GNAI3: variants seen among roughly 807,000 people sequenced by gnomAD.
The protein encoded by GNAI3 is G protein subunit alpha i3, also known as guanine nucleotide-binding protein G(i) subunit alpha-3.
GNAI3 carries 12 observed loss-of-function variants against 41.8 expected under a neutral mutation model. The observed-to-expected ratio is 0.29, with a 90% confidence interval of 0.18 to 0.47. The LOEUF is 0.47. Among genes scored for constraint, GNAI3 ranks in the 20% least tolerant of loss-of-function variants. The probability of loss-of-function intolerance (pLI) is 1.00; values close to 1 mark genes in which losing one functional copy is unlikely to be tolerated. For missense variants in GNAI3, 360 were observed against 429.6 expected, an observed-to-expected ratio of 0.84 and a Z score of 1.43; for synonymous variants, 132 against 146.5, an observed-to-expected ratio of 0.90 and a Z score of 0.71.
At chr1:109,571,267 G>A (rs1484061559) in intron 1 of GNAI3, among the ~76,000 whole-genome samples, 1 of 152,134 alleles carries the variant, frequency 6.6e-6, no homozygotes, top group Admixed American at 6.6e-5. Flanking sequence ...ATACCTACTA[G>A]AAATCTAATA....
In GNAI3 at chr1:109,594,340, A is replaced by G. The variant is rs1649243836; in HGVS notation, c.*2018A>G. The G allele has an allele frequency of 6.6e-6, 1 of 152,238 alleles. No homozygotes were observed. The highest frequency in any genetic ancestry group is 1.5e-5 in the Non-Finnish European group (1 of 68,040). The allele number at this position is 152,238 out of a possible 1,614,324, so 9.4% of individuals were successfully genotyped here. A position where few individuals can be genotyped will look rare whatever the true frequency, so the allele number is the denominator to read the frequency against. On this transcript the variant is annotated 3_prime_UTR_variant, in exon 9 of 9. Coordinates refer to ENST00000369851, the MANE Select transcript of GNAI3 (RefSeq NM_006496.4). ...ATAATCTAAAATAACCAATAATCCAAAAAAGTTCATTTTACTTTGAATTTG... is the reference window on the plus strand; with the variant it reads ...ATAATCTAAAATAACCAATAATCCAGAAAAGTTCATTTTACTTTGAATTTG...
chr1:109,555,775 G>A (rs571208002), intron 1 of GNAI3, among the ~76,000 whole-genome samples: 1 of 152,280 alleles, frequency 6.6e-6, no homozygotes, highest in East Asian at 1.9e-4. Flanking sequence ...TTTTAGAGAT[G>A]GTTAGTAAAA....
chr1:109,565,946 A>C (rs966862165), intron 1 of GNAI3, among the ~76,000 whole-genome samples: 2 of 152,260 alleles, frequency 1.3e-5, no homozygotes, highest in Non-Finnish European at 2.9e-5. Context: ...CAAGAAAACC[A>C]GTTAGCAGCT....
At chr1:109,569,515 T>C (rs932978456) in intron 1 of GNAI3, among the ~76,000 whole-genome samples, 1 of 152,136 alleles carries the variant, frequency 6.6e-6, no homozygotes, top group South Asian at 2.1e-4. Flanking sequence ...AGGAAGCAGC[T>C]TGGGGAAAAC....
intron 5 of GNAI3, among the ~76,000 whole-genome samples, chr1:109,583,200 G>C (rs534374433): frequency 7.0e-4 from 106 of 152,040 alleles, no homozygotes; most frequent in Non-Finnish European, 1.4e-3. Context: ...TGATTTTTTT[G>C]GTTTGTTTTT....
rs576163890 is a variant in GNAI3, at chr1:109,598,211, C to T, written c.*5889C>T. ...GCTTATTTATATGTAAGAGAGATTT[C>T]CAGTAGATACAACAAAACACAAGAA... On this transcript the variant is annotated 3_prime_UTR_variant, in exon 9 of 9. Transcript: ENST00000369851. The T allele has an allele frequency of 7.9e-5, 12 of 152,258 alleles. No individual in the cohort carries two copies. The highest frequency in any genetic ancestry group is 2.9e-4 in the African/African-American group (12 of 41,550). 9.4% of individuals were successfully genotyped at this position (152,258 alleles called of 1,614,324 possible).
intron 5 of GNAI3, among the ~76,000 whole-genome samples, chr1:109,583,572 C>T (rs1238740159): frequency 6.6e-6 from 1 of 151,738 alleles, no homozygotes; most frequent in Non-Finnish European, 1.5e-5. Flanking sequence ...ATAACTTTCT[C>T]ATTAGCATTA....
intron 1 of GNAI3, among the ~76,000 whole-genome samples, chr1:109,567,947 A>G (rs1408783371): frequency 6.6e-6 from 1 of 151,702 alleles, no homozygotes; most frequent in Non-Finnish European, 1.5e-5. Context: ...GAAAGAGAAA[A>G]AAGAGAAGGA....
At chr1:109,580,072 G>A (rs908567806) in intron 4 of GNAI3, among the ~76,000 whole-genome samples, 37 of 152,212 alleles carry the variant, frequency 2.4e-4, no homozygotes, top group Admixed American at 1.0e-3. Context: ...CTCCATCTCC[G>A]CTCACTGCAA....
At position 109,584,923 on chromosome 1, in the gene GNAI3, T is replaced by C. The variant is rs572052752; in HGVS notation, c.591-1293T>C. Reference sequence around the variant, plus strand: ...CTAAAACCTGTATTGTGACCCTATATTAAAGCCAACTTGTGATTACATCAT... The same window carrying C: ...CTAAAACCTGTATTGTGACCCTATACTAAAGCCAACTTGTGATTACATCAT... On this transcript the variant is annotated intron_variant, in intron 5 of 8. Coordinates refer to ENST00000369851, the MANE Select transcript of GNAI3 (RefSeq NM_006496.4). Among the ~76,000 whole-genome samples the C allele has an allele frequency of 6.8e-4, 103 of 152,340 alleles. 2 individuals carry two copies. The South Asian group carries it at 0.021, about 31-fold the overall frequency.
chr1:109,553,779 A>G (rs1325297614), intron 1 of GNAI3, among the ~76,000 whole-genome samples: 2 of 152,084 alleles, frequency 1.3e-5, no homozygotes, highest in Admixed American at 6.5e-5. Context: ...TTTAGTGGCA[A>G]TTTCTGAGAT....
intron 1 of GNAI3, among the ~76,000 whole-genome samples, chr1:109,561,446 A>C (rs1446995736): frequency 1.3e-5 from 2 of 152,220 alleles, no homozygotes; most frequent in Admixed American, 1.3e-4. Context: ...ACTAAACTTC[A>C]CATTTTATTT....
At position 109,598,142 on chromosome 1, in the gene GNAI3, C is replaced by A. The variant is rs190125896; in HGVS notation, c.*5820C>A. 1.1e-4 allele frequency: 17 copies of A among 152,320 alleles called. No homozygotes were observed. Among genetic ancestry groups the A allele is most frequent in the African/African-American group, 3.8e-4 (16 of 41,578 alleles). 9.4% of individuals were successfully genotyped at this position (152,320 alleles called of 1,614,324 possible). ...TCCTCTTATCTTTTACCTCTCCCTACGCCCAAAATTCTCCTTAGGTTATCC... is the reference window on the plus strand; with the variant it reads ...TCCTCTTATCTTTTACCTCTCCCTAAGCCCAAAATTCTCCTTAGGTTATCC... On this transcript the variant is annotated 3_prime_UTR_variant, in exon 9 of 9. Coordinates refer to ENST00000369851, the MANE Select transcript of GNAI3 (RefSeq NM_006496.4).
At chr1:109,581,300 C>T (rs1012322051) in intron 4 of GNAI3, among the ~76,000 whole-genome samples, 4 of 151,246 alleles carry the variant, frequency 2.6e-5, no homozygotes, top group Non-Finnish European at 4.4e-5. Context: ...AACCCCAGAC[C>T]TCCCCAGCTC....
At chr1:109,561,488 C>A (rs565161710) in intron 1 of GNAI3, among the ~76,000 whole-genome samples, 5 of 152,326 alleles carry the variant, frequency 3.3e-5, no homozygotes, top group African/African-American at 1.2e-4. Context: ...TAATTTTCTG[C>A]TCCAGGATCC....
Position 109,582,476 on chromosome 1 carries a change from C to T in GNAI3, c.501C>T (p.Tyr167=), listed in dbSNP as rs11558723. 1.3e-6 allele frequency: 2 copies of T among 1,595,706 alleles called. No individual in the cohort carries two copies. Among genetic ancestry groups the T allele is most frequent in the Non-Finnish European group, 1.7e-6 (2 of 1,163,142 alleles). ...NDLDRISQSN[Y]IPTQQDVLRT... is the part of the protein sequence containing the mutation. ...TGGATAGAATATCCCAGTCTAACTA[C>T]ATTCCAACTCAGCAAGATGTTCTTC... The change falls in exon 5 of 9, where the codon TAC becomes TAT. Residue 167 remains tyrosine, a synonymous_variant. Coordinates refer to ENST00000369851, the MANE Select transcript of GNAI3 (RefSeq NM_006496.4).
intron 1 of GNAI3, among the ~76,000 whole-genome samples, chr1:109,554,547 C>T (rs1347192964): frequency 6.6e-6 from 1 of 152,112 alleles, no homozygotes; most frequent in Non-Finnish European, 1.5e-5. Context: ...AAGTCCTTAG[C>T]CCACTTTTTG....
chr1:109,584,356 C>G (rs1020859879), intron 5 of GNAI3, among the ~76,000 whole-genome samples: 1 of 152,290 alleles, frequency 6.6e-6, no homozygotes, highest in Admixed American at 6.5e-5. Flanking sequence ...GATTATCACT[C>G]GTGAGACCAT....
chr1:109,555,562 C>T (rs985409386), intron 1 of GNAI3, among the ~76,000 whole-genome samples: 2 of 152,116 alleles, frequency 1.3e-5, no homozygotes, highest in South Asian at 4.1e-4. Flanking sequence ...CCTGACTACG[C>T]TATTCCTGTA....
Sources: gnomAD v4.1 joint callset for allele counts (sites outside exome capture counted in the v4.1 genomes callset) on GRCh38, gnomAD v4.1.1 for gene constraint, MANE v1.5 for transcripts, NCBI Gene and HGNC (gene_info 2026-07-23, HGNC 2026-07-21) for gene names.